The following CSMD1 variants were observed in gnomAD, a reference collection of about 807,000 sequenced individuals.
CSMD1 encodes the protein CUB and sushi domain-containing protein 1.
A neutral mutation model predicts 417.5 loss-of-function variants in CSMD1; 213 were observed. The observed-to-expected ratio is 0.51, with a 90% CI of 0.46 to 0.57. CSMD1 has a LOEUF of 0.57. Ranked by LOEUF, CSMD1 falls within the 20% of genes least tolerant of loss-of-function variation. The pLI, the probability that CSMD1 is intolerant of heterozygous loss-of-function variation, is 0.00. For missense variants in CSMD1, 6,923 were observed against 4,529.7 expected (o/e 1.53, Z -15.17); for synonymous variants, 2,862 against 1,736.8 (o/e 1.65, Z -16.11).
chr8:4,556,903 T>C (rs983511143), intron 2 of CSMD1, among the ~76,000 whole-genome samples: 4 of 152,216 alleles, frequency 2.6e-5, no homozygotes, highest in Non-Finnish European at 5.9e-5. Context: ...TCAAAATTTA[T>C]GAAATAATTC....
At chr8:4,265,325 C>A (rs1270581286) in intron 3 of CSMD1, among the ~76,000 whole-genome samples, 1 of 151,922 alleles carries the variant, frequency 6.6e-6, no homozygotes, top group African/African-American at 2.4e-5. Context: ...GGGAAAAATT[C>A]TATCAGCATT....
intron 3 of CSMD1, among the ~76,000 whole-genome samples, chr8:4,032,431 C>A (rs748894548): frequency 1.3e-5 from 2 of 149,252 alleles, no homozygotes; most frequent in East Asian, 2.0e-4. Flanking sequence ...TAGTGAGCAA[C>A]CAGATGTCAG....
Position 4,375,372 on chromosome 8 carries a change from T to G in CSMD1, c.415+44581A>C, listed in dbSNP as rs181175400. 5.5e-4 allele frequency among the ~76,000 whole-genome samples: 83 copies of G among 152,172 alleles called. 1 individual carries two copies. Among genetic ancestry groups the G allele is most frequent in the African/African-American group, 1.9e-3 (77 of 41,524 alleles). ...TATTCACCATCCACACAGGGGCACT[T>G]TTGAGAGGAAAACAGGGCATTATAT... On this transcript the variant is annotated intron_variant, in intron 3 of 69. Coordinates refer to ENST00000635120, the MANE Select transcript of CSMD1 (RefSeq NM_033225.6).
At chr8:4,909,657 C>T (rs1341097860) in intron 1 of CSMD1, among the ~76,000 whole-genome samples, 1 of 152,060 alleles carries the variant, frequency 6.6e-6, no homozygotes, top group Non-Finnish European at 1.5e-5. Context: ...TAGGGGCCTC[C>T]TAAGACTGCA....
intron 3 of CSMD1, among the ~76,000 whole-genome samples, chr8:4,156,307 A>G (rs1475746989): frequency 6.6e-6 from 1 of 152,140 alleles, no homozygotes; most frequent in African/African-American, 2.4e-5. Context: ...CTCCTTTTCA[A>G]TGAAGGCTCT....
chr8:3,530,671 C>T (rs976309966), intron 10 of CSMD1, among the ~76,000 whole-genome samples: 2 of 151,724 alleles, frequency 1.3e-5, no homozygotes, highest in Non-Finnish European at 2.9e-5. Context: ...ACAAGTATTA[C>T]AGGCACCCGC....
chr8:3,486,666 C>G (rs961402931), intron 11 of CSMD1, among the ~76,000 whole-genome samples: 4 of 152,224 alleles, frequency 2.6e-5, no homozygotes, highest in Non-Finnish European at 5.9e-5. Context: ...TTTGCAGCAG[C>G]AGCTGCCCTC....
At chr8:3,501,285 C>G (rs951922804) in intron 10 of CSMD1, among the ~76,000 whole-genome samples, 2 of 152,090 alleles carry the variant, frequency 1.3e-5, no homozygotes, top group Non-Finnish European at 2.9e-5. Context: ...CACACACATA[C>G]ACACACACCC....
At chr8:3,718,797 G>T (rs189055996) in intron 6 of CSMD1, among the ~76,000 whole-genome samples, 1 of 152,186 alleles carries the variant, frequency 6.6e-6, no homozygotes, top group East Asian at 1.9e-4. Context: ...TTTAAATCAC[G>T]TATTTCCCTG....
chr8:3,894,354 T>TA (rs1301620066), intron 5 of CSMD1, among the ~76,000 whole-genome samples: 6 of 152,132 alleles, frequency 3.9e-5, no homozygotes, highest in African/African-American at 1.4e-4. Flanking sequence ...TCACGAGGAT[T>TA]AAATGGGTGT....
chr8:3,736,461 T>C (rs1187265527), intron 6 of CSMD1, among the ~76,000 whole-genome samples: 1 of 152,074 alleles, frequency 6.6e-6, no homozygotes, highest in East Asian at 1.9e-4. Flanking sequence ...TCCAGGCTTG[T>C]CTCGAAATCT....
rs546970103 is a variant in CSMD1, at chr8:3,242,736, A to G, written c.4154-12505T>C. Among the ~76,000 whole-genome samples, 142 of 151,650 alleles carry G rather than the reference A, an allele frequency of 9.4e-4. 3 individuals carry two copies. In the East Asian group the frequency reaches 0.014, roughly 15 times the overall value. ...TGAAGGAAGCAAGCCCAGAGAAAAG[A>G]GAGAGTAGAGACATGGAGGGAAGGG... On this transcript the variant is annotated intron_variant, in intron 26 of 69. Coordinates refer to ENST00000635120, the MANE Select transcript of CSMD1 (RefSeq NM_033225.6).
chr8:3,141,412 C>A lies in CSMD1; in HGVS notation c.6241+1053G>T, dbSNP rs1022465613. On this transcript the variant is annotated intron_variant, in intron 41 of 69. Coordinates refer to ENST00000635120, the MANE Select transcript of CSMD1 (RefSeq NM_033225.6). ...TTCAATTCCTGGTTTGACTCTGAAA[C>A]AAAATTGATCATGGCCCTTTCCCGA... Among the ~76,000 whole-genome samples, 4 of 152,280 alleles carry A rather than the reference C, an allele frequency of 2.6e-5. No homozygotes were observed. The South Asian group carries it at 8.3e-4, about 32-fold the overall frequency.
At chr8:4,694,433 C>A (rs915734036) in intron 1 of CSMD1, among the ~76,000 whole-genome samples, 2 of 152,022 alleles carry the variant, frequency 1.3e-5, no homozygotes, top group Non-Finnish European at 2.9e-5. Flanking sequence ...GTCACTGCAA[C>A]CCCTGCCTCC....
At chr8:4,964,098 T>A (rs1428362077) in intron 1 of CSMD1, among the ~76,000 whole-genome samples, 1 of 152,064 alleles carries the variant, frequency 6.6e-6, no homozygotes, top group Admixed American at 6.6e-5. Flanking sequence ...TTATTTTTTT[T>A]ACTTTCTCAA....
intron 3 of CSMD1, among the ~76,000 whole-genome samples, chr8:4,293,207 C>G (rs972786694): frequency 2.0e-5 from 3 of 152,096 alleles, no homozygotes; most frequent in African/African-American, 7.2e-5. Flanking sequence ...GGAAGAGAGC[C>G]CAATGATGCC....
intron 5 of CSMD1, among the ~76,000 whole-genome samples, chr8:3,865,584 G>T (rs1460070558): frequency 1.3e-5 from 2 of 152,126 alleles, no homozygotes; most frequent in African/African-American, 4.8e-5. Flanking sequence ...GGAGAATTCA[G>T]GTGCCTCTCA....
intron 10 of CSMD1, among the ~76,000 whole-genome samples, chr8:3,523,488 T>C (rs1213025255): frequency 2.0e-5 from 3 of 152,194 alleles, no homozygotes; most frequent in East Asian, 1.9e-4. Context: ...CACCTGTGGA[T>C]GGCTGGCAGC....
chr8:4,959,971 T>C (rs1375382041), intron 1 of CSMD1, among the ~76,000 whole-genome samples: 1 of 152,212 alleles, frequency 6.6e-6, no homozygotes, highest in East Asian at 1.9e-4. Context: ...GGAAAATGTA[T>C]TTTGTTACTG....
Sources: gnomAD v4.1 joint callset for allele counts (sites outside exome capture counted in the v4.1 genomes callset) on GRCh38, gnomAD v4.1.1 for gene constraint, MANE v1.5 for transcripts, NCBI Gene and HGNC (gene_info 2026-07-23, HGNC 2026-07-21) for gene names.